The following KCNH1 variants were observed in gnomAD, a reference collection of about 807,000 sequenced individuals.
KCNH1 encodes voltage-gated delayed rectifier potassium channel KCNH1.
In KCNH1, 27 loss-of-function variants were observed where a neutral mutation model predicts 69.2. The observed-to-expected ratio is 0.39, with a 90% CI of 0.29 to 0.54. The LOEUF is 0.54. Among genes scored for constraint, KCNH1 ranks in the 20% least tolerant of loss-of-function variants. KCNH1 has a pLI of 0.68. For synonymous variants in KCNH1, 456 were observed against 487.7 expected (o/e 0.93, Z 0.86); for missense variants, 798 against 1,261.6 (o/e 0.63, Z 5.57).
chr1:210,711,908 C>T (rs1351373433), intron 10 of KCNH1, among the ~76,000 whole-genome samples: 2 of 152,152 alleles, frequency 1.3e-5, no homozygotes, highest in Non-Finnish European at 2.9e-5. Flanking sequence ...GGAGGAAGCC[C>T]CTGGACCCCA....
chr1:211,133,984 G>C lies in KCNH1; in HGVS notation c.-39C>G, dbSNP rs1452110912. The C allele has an allele frequency of 1.9e-6, 3 of 1,571,084 alleles. No homozygotes were observed. The highest frequency in any genetic ancestry group is 3.4e-5 in the Admixed American group (2 of 58,862). On this transcript the variant is annotated 5_prime_UTR_variant, in exon 1 of 11. Coordinates refer to ENST00000271751, the MANE Select transcript of KCNH1 (RefSeq NM_172362.3). This position sits in a 1 kb window ranked among gnomAD's most constrained non-coding sequence, Gnocchi z 5.4. Reference sequence around the variant, plus strand: ...CGGGGTCCGGCGGGCGTCCTGGCGCGGCTTCTTACGACAGCAGGAAACTGG... The same window carrying C: ...CGGGGTCCGGCGGGCGTCCTGGCGCCGCTTCTTACGACAGCAGGAAACTGG...
At chr1:210,808,827 G>C (rs1211262913) in intron 7 of KCNH1, among the ~76,000 whole-genome samples, 1 of 152,176 alleles carries the variant, frequency 6.6e-6, no homozygotes, top group Non-Finnish European at 1.5e-5. Context: ...TGTAAGTCCA[G>C]TTGTCACCTG....
intron 6 of KCNH1, among the ~76,000 whole-genome samples, chr1:210,991,603 C>CCACACA (rs67518284): frequency 0.16 from 24,244 of 148,242 alleles, 2,374 homozygotes; most frequent in East Asian, 0.33. Flanking sequence ...TCTGTTCTTG[C>CCACACA]CACACACACA....
chr1:210,967,115 T>C (rs892247821), intron 6 of KCNH1, among the ~76,000 whole-genome samples: 4 of 151,306 alleles, frequency 2.6e-5, no homozygotes, highest in Non-Finnish European at 2.9e-5. Flanking sequence ...TAAGTGGGAG[T>C]TGAACAATGA....
At chr1:210,978,041 AT>A (rs374205340) in intron 6 of KCNH1, among the ~76,000 whole-genome samples, 714 of 137,520 alleles carry the variant, frequency 5.2e-3, no homozygotes, top group Middle Eastern at 0.011. Flanking sequence ...CTCTCCTTTA[AT>A]TTTTTTTTTT....
intron 6 of KCNH1, among the ~76,000 whole-genome samples, chr1:210,995,543 G>A (rs1689016044): frequency 6.6e-6 from 1 of 152,122 alleles, no homozygotes; most frequent in Admixed American, 6.6e-5. Flanking sequence ...AAATGCCTTA[G>A]GCCCAGAAAG....
intron 6 of KCNH1, among the ~76,000 whole-genome samples, chr1:210,992,130 A>G (rs1262773385): frequency 6.6e-6 from 1 of 152,222 alleles, no homozygotes; most frequent in African/African-American, 2.4e-5. Flanking sequence ...ATCTACATAC[A>G]TATCTAATTT....
intron 3 of KCNH1, among the ~76,000 whole-genome samples, chr1:211,091,659 G>A (rs1208985417): frequency 6.6e-6 from 1 of 152,182 alleles, no homozygotes; most frequent in Non-Finnish European, 1.5e-5. Flanking sequence ...CTCAGTGAAT[G>A]TGTTTCAATA....
At chr1:210,963,278 G>A (rs890393636) in intron 6 of KCNH1, among the ~76,000 whole-genome samples, 10 of 152,064 alleles carry the variant, frequency 6.6e-5, no homozygotes, top group South Asian at 4.1e-4. Context: ...AACCCTGTCC[G>A]AAGGTCACCA....
chr1:210,949,251 C>T (rs1345733212), intron 6 of KCNH1, among the ~76,000 whole-genome samples: 1 of 152,300 alleles, frequency 6.6e-6, no homozygotes, highest in East Asian at 1.9e-4. Flanking sequence ...TCTGCAAACA[C>T]ATGTCCCATA....
chr1:210,890,867 C>T (rs899550170), intron 7 of KCNH1, among the ~76,000 whole-genome samples: 4 of 152,082 alleles, frequency 2.6e-5, no homozygotes, highest in Non-Finnish European at 5.9e-5. Context: ...GTTAGAATGA[C>T]GATCATTAAA....
At chr1:211,057,454 G>A (rs1160455946) in intron 5 of KCNH1, among the ~76,000 whole-genome samples, 3 of 151,918 alleles carry the variant, frequency 2.0e-5, no homozygotes, top group Non-Finnish European at 2.9e-5. Flanking sequence ...TGGGCAACAT[G>A]CAAAACCCCA....
At chr1:210,840,177 A>G (rs1050002752) in intron 7 of KCNH1, among the ~76,000 whole-genome samples, 1 of 152,204 alleles carries the variant, frequency 6.6e-6, no homozygotes, top group African/African-American at 2.4e-5. Context: ...TGGTAAAGGC[A>G]ACGTACACAC....
At chr1:210,884,289 C>G (rs999298931) in intron 7 of KCNH1, among the ~76,000 whole-genome samples, 2 of 152,122 alleles carry the variant, frequency 1.3e-5, no homozygotes, top group Non-Finnish European at 2.9e-5. Context: ...AAAGCAACCT[C>G]CTTCTCAAAA....
intron 5 of KCNH1, among the ~76,000 whole-genome samples, chr1:211,066,420 C>A (rs941327219): frequency 6.6e-6 from 1 of 152,062 alleles, no homozygotes; most frequent in Non-Finnish European, 1.5e-5. Flanking sequence ...ACAAAAAATT[C>A]ATTTTTGTTT....
chr1:210,911,631 C>CA (rs61661527), intron 7 of KCNH1, among the ~76,000 whole-genome samples: 29,140 of 104,782 alleles, frequency 0.28, 3,483 homozygotes, highest in East Asian at 0.67. Context: ...ATTTTCAAAG[C>CA]AAAAAAAAAA....
chr1:210,893,533 T>C (rs1686794694), intron 7 of KCNH1, among the ~76,000 whole-genome samples: 1 of 152,052 alleles, frequency 6.6e-6, no homozygotes, highest in African/African-American at 2.4e-5. Flanking sequence ...TGCTGGGCTC[T>C]TGGATTTGTG....
At chr1:210,964,474 C>T (rs189696451) in intron 6 of KCNH1, among the ~76,000 whole-genome samples, 6 of 152,218 alleles carry the variant, frequency 3.9e-5, no homozygotes, top group Admixed American at 3.9e-4. Context: ...CTATAAACAC[C>T]TCTATGCAAA....
At chr1:210,761,280 A>C (rs1198943376) in intron 10 of KCNH1, among the ~76,000 whole-genome samples, 34 of 142,484 alleles carry the variant, frequency 2.4e-4, no homozygotes, top group African/African-American at 8.0e-4. Flanking sequence ...AAAAAAGTAC[A>C]TGTAAGCACA....
Sources: allele counts gnomAD v4.1 joint callset (sites outside exome capture counted in the v4.1 genomes callset), GRCh38; gene constraint gnomAD v4.1.1; non-coding constraint Gnocchi (gnomAD v3.1); transcripts MANE v1.5; gene names NCBI Gene and HGNC (gene_info 2026-07-23, HGNC 2026-07-21).